The following VEZT variants were observed in gnomAD, a reference collection of about 807,000 sequenced individuals.
VEZT encodes the protein vezatin, adherens junctions transmembrane protein, also known as vezatin.
A neutral mutation model predicts 79.9 loss-of-function variants in VEZT; 39 were observed. The ratio of observed to expected loss-of-function variants is 0.49; its 90% CI spans 0.38 to 0.64. The LOEUF (loss-of-function observed/expected upper bound fraction) is 0.64. Ranked by LOEUF, VEZT falls within the 30% of genes least tolerant of loss-of-function variation. The pLI is 0.00. For synonymous variants in VEZT, 325 were observed against 327.6 expected, an observed-to-expected ratio of 0.99 and a Z score of 0.09; for missense variants, 837 against 893.1, an observed-to-expected ratio of 0.94 and a Z score of 0.80.
At position 95,219,980 on chromosome 12, in the gene VEZT, A is replaced by G. The variant is rs544265169; in HGVS notation, c.36+2094A>G. 4.6e-5 allele frequency among the ~76,000 whole-genome samples: 7 copies of G among 152,244 alleles called. No homozygotes were observed. In the East Asian group the frequency reaches 1.3e-3, roughly 29 times the overall value. On this transcript the variant is annotated intron_variant, in intron 1 of 11. Coordinates refer to ENST00000436874, the MANE Select transcript of VEZT (RefSeq NM_017599.4). Reference sequence around the variant, plus strand: ...AAAAATTGACTTGCGTGAGTTCTTCATATATTACTAAGCCTTTGTCATACT... The same window carrying G: ...AAAAATTGACTTGCGTGAGTTCTTCGTATATTACTAAGCCTTTGTCATACT...
At chr12:95,290,455 G>A (rs1374919141) in intron 9 of VEZT, among the ~76,000 whole-genome samples, 3 of 152,018 alleles carry the variant, frequency 2.0e-5, no homozygotes, top group African/African-American at 7.2e-5. Context: ...ATACTACTCG[G>A]CAACAAAAAA....
intron 1 of VEZT, among the ~76,000 whole-genome samples, chr12:95,228,430 G>A (rs560977513): frequency 6.6e-6 from 1 of 152,178 alleles, no homozygotes; most frequent in Admixed American, 6.5e-5. Context: ...CATATACATG[G>A]ACAGTATTTG....
intron 3 of VEZT, among the ~76,000 whole-genome samples, chr12:95,258,842 G>A (rs1457201210): frequency 6.6e-6 from 1 of 152,122 alleles, no homozygotes; most frequent in African/African-American, 2.4e-5. Flanking sequence ...GAAGAATACT[G>A]ACAAATGAAT....
Position 95,287,869 on chromosome 12 carries a change from A to G in VEZT, c.1522+12A>G. Reference sequence around the variant, plus strand: ...TACAGATAAAAAAGGTACCTGTGAGAGATTTCTTTGCCATATGCTTATCAG... The same window carrying G: ...TACAGATAAAAAAGGTACCTGTGAGGGATTTCTTTGCCATATGCTTATCAG... On this transcript the variant is annotated intron_variant, in intron 9 of 11. Transcript: ENST00000436874. 1 of 1,573,662 alleles carries G rather than the reference A, an allele frequency of 6.4e-7. No individual in the cohort carries two copies. Among genetic ancestry groups the G allele is most frequent in the Non-Finnish European group, 8.6e-7 (1 of 1,159,272 alleles).
chr12:95,297,988 C>T (rs867408971), intron 11 of VEZT, among the ~76,000 whole-genome samples: 1 of 152,132 alleles, frequency 6.6e-6, no homozygotes, highest in South Asian at 2.1e-4. Flanking sequence ...GGTGTGATGG[C>T]GCACACCTAT....
chr12:95,275,543 C>T (rs1593860043), intron 7 of VEZT, among the ~76,000 whole-genome samples: 1 of 151,172 alleles, frequency 6.6e-6, no homozygotes, highest in African/African-American at 2.4e-5. Flanking sequence ...TGCCATTGCA[C>T]TCCAGCCTGG....
chr12:95,294,261 G>GT lies in VEZT; in HGVS notation c.1523-5dup. 1 of 1,569,686 alleles carries GT rather than the reference G, an allele frequency of 6.4e-7. No individual in the cohort carries two copies. Among genetic ancestry groups the GT allele is most frequent in the Non-Finnish European group, 8.6e-7 (1 of 1,156,162 alleles). On this transcript the variant is annotated splice_polypyrimidine_tract_variant and intron_variant, in intron 9 of 11. Transcript: ENST00000436874. ...CTTATCTTTATTCCCATCTATTCCC[G>GT]TTTTTTAAAGGCAAGCCTGAAATAG...
intron 3 of VEZT, chr12:95,258,329 T>G: frequency 2.2e-6 from 1 of 455,446 alleles, no homozygotes. Context: ...TTAGTCATAG[T>G]CTGCCTAGGC....
chr12:95,269,839 T>A (rs2066252420), intron 5 of VEZT: 1 of 402,806 alleles, frequency 2.5e-6, no homozygotes, highest in South Asian at 6.5e-5. Context: ...TTTTTTTTAG[T>A]GGTTGTCTAT....
In VEZT at chr12:95,300,620, G is replaced by C. The variant is rs1034234297; in HGVS notation, c.2287G>C (p.Glu763Gln). 3 of 1,604,340 alleles carry C rather than the reference G, an allele frequency of 1.9e-6. No individual in the cohort carries two copies. The African/African-American group carries it at 4.0e-5, about 22-fold the overall frequency. Residue 763 changes from glutamate to glutamine, a missense_variant, in exon 12 of 12, where the codon GAG becomes CAG. Physicochemically the swap from Glu to Gln is conservative, Grantham distance 29 (BLOSUM62 2). Coordinates refer to ENST00000436874, the MANE Select transcript of VEZT (RefSeq NM_017599.4). ...TTMQEQTFGG[E>Q]EEEQIIEENK... ...CATGCAGGAACAGACTTTTGGTGGT[G>C]AGGAGGAAGAACAAATAATAGAAGA...
chr12:95,269,447 G>T (rs903330231), intron 5 of VEZT, among the ~76,000 whole-genome samples: 6 of 152,124 alleles, frequency 3.9e-5, no homozygotes, highest in African/African-American at 1.2e-4. Flanking sequence ...TTCATTTTGA[G>T]TAGGTAAGTG....
At chr12:95,271,424 G>A (rs1306303428) in intron 6 of VEZT, among the ~76,000 whole-genome samples, 1 of 152,164 alleles carries the variant, frequency 6.6e-6, no homozygotes, top group African/African-American at 2.4e-5. Flanking sequence ...TGCCGTGGGT[G>A]CCTTCCAACA....
intron 1 of VEZT, among the ~76,000 whole-genome samples, chr12:95,248,850 A>G (rs1279520847): frequency 6.6e-6 from 1 of 152,118 alleles, no homozygotes; most frequent in Non-Finnish European, 1.5e-5. Context: ...AAAGAAAGAA[A>G]AAGAAAAACA....
chr12:95,271,318 G>A (rs2066550136), intron 6 of VEZT, among the ~76,000 whole-genome samples: 2 of 152,060 alleles, frequency 1.3e-5, no homozygotes, highest in South Asian at 4.2e-4. Flanking sequence ...CATTCTTCCA[G>A]GTGCTAGGAA....
At chr12:95,284,457 G>A (rs1003261201) in intron 8 of VEZT, among the ~76,000 whole-genome samples, 2 of 152,152 alleles carry the variant, frequency 1.3e-5, no homozygotes, top group African/African-American at 4.8e-5. Context: ...GGGTGTGTAT[G>A]GCCAGATTAG....
intron 1 of VEZT, among the ~76,000 whole-genome samples, chr12:95,242,480 G>GT (rs1318444100): frequency 6.6e-6 from 1 of 152,190 alleles, no homozygotes; most frequent in Non-Finnish European, 1.5e-5. Flanking sequence ...CTGGAGTGCA[G>GT]TAGCTATTCA....
At chr12:95,237,977 G>A (rs2060418118) in intron 1 of VEZT, among the ~76,000 whole-genome samples, 2 of 152,152 alleles carry the variant, frequency 1.3e-5, no homozygotes, top group South Asian at 4.1e-4. Flanking sequence ...AGCCACCAAT[G>A]GAAGGGGACA....
At position 95,301,703 on chromosome 12, in the gene VEZT, A is replaced by C. The variant is rs562816750; in HGVS notation, c.*1030A>C. On this transcript the variant is annotated 3_prime_UTR_variant, in exon 12 of 12. Coordinates refer to ENST00000436874, the MANE Select transcript of VEZT (RefSeq NM_017599.4). ...GTTTTGAAACCTGTAGCTCCTATGCAATAACATAGTTCTATAGACATTATT... is the reference window on the plus strand; with the variant it reads ...GTTTTGAAACCTGTAGCTCCTATGCCATAACATAGTTCTATAGACATTATT... 2.0e-5 allele frequency: 3 copies of C among 152,248 alleles called. No individual in the cohort carries two copies. The highest frequency in any genetic ancestry group is 4.4e-5 in the Non-Finnish European group (3 of 68,044). The allele number at this position is 152,248 out of a possible 1,614,324, so 9.4% of individuals were successfully genotyped here.
At chr12:95,261,005 TAA>T (rs10626291) in intron 3 of VEZT, among the ~76,000 whole-genome samples, 34 of 131,258 alleles carry the variant, frequency 2.6e-4, no homozygotes, top group East Asian at 9.1e-4. Flanking sequence ...CAGTAGATGG[TAA>T]AAAAAAAAAA....
Sources: allele counts gnomAD v4.1 joint callset (sites outside exome capture counted in the v4.1 genomes callset), GRCh38; gene constraint gnomAD v4.1.1; transcripts MANE v1.5; gene names NCBI Gene and HGNC (gene_info 2026-07-23, HGNC 2026-07-21).